The following NBEA variants were observed in gnomAD, a reference collection of about 807,000 sequenced individuals.
The protein encoded by NBEA is neurobeachin.
Under a neutral mutation model 343.4 loss-of-function variants are expected in NBEA, and 44 were observed. The observed-to-expected ratio is 0.13, with a 90% CI of 0.10 to 0.16. The LOEUF (loss-of-function observed/expected upper bound fraction) is 0.16. Among genes scored for constraint, NBEA ranks in the 10% least tolerant of loss-of-function variants. The probability of loss-of-function intolerance (pLI) is 1.00; values close to 1 mark genes in which losing one functional copy is unlikely to be tolerated. For missense variants in NBEA, 2,555 were observed against 3,631.3 expected (o/e 0.70, Z 7.62); for synonymous variants, 1,175 against 1,238.7 (o/e 0.95, Z 1.08).
chr13:34,972,744 A>C (rs965233727), intron 1 of NBEA, among the ~76,000 whole-genome samples: 1 of 152,020 alleles, frequency 6.6e-6, no homozygotes, highest in Non-Finnish European at 1.5e-5. Context: ...ACTTCTGATT[A>C]TGTGATCGAT....
intron 33 of NBEA, among the ~76,000 whole-genome samples, chr13:35,214,070 TTA>T: frequency 6.6e-6 from 1 of 152,142 alleles, no homozygotes; most frequent in South Asian, 2.1e-4. Flanking sequence ...ATCTTTTTGT[TTA>T]TGAGTAGTCT....
intron 1 of NBEA, among the ~76,000 whole-genome samples, chr13:34,951,981 A>G (rs1326866103): frequency 6.6e-6 from 1 of 152,200 alleles, no homozygotes. Context: ...GCGGAATTGA[A>G]CACAGCAGTG....
intron 45 of NBEA, among the ~76,000 whole-genome samples, chr13:35,574,401 G>GAAAAGA (rs1555306414): frequency 9.3e-6 from 1 of 107,628 alleles, no homozygotes; most frequent in Non-Finnish European, 1.9e-5. Context: ...AAAAACAAAA[G>GAAAAGA]AAAAAAAACA....
At chr13:35,153,732 A>T (rs183237011) in intron 18 of NBEA, among the ~76,000 whole-genome samples, 16 of 152,276 alleles carry the variant, frequency 1.1e-4, no homozygotes, top group Non-Finnish European at 2.2e-4. Flanking sequence ...TTCCTGTGCA[A>T]TGTGATTTCT....
In NBEA at chr13:35,592,051, T is replaced by G. The variant is rs3825540; in HGVS notation, c.7177-1277T>G. 7.3e-4 allele frequency among the ~76,000 whole-genome samples: 111 copies of G among 152,160 alleles called. 2 individuals are homozygous for G. In the East Asian group the frequency reaches 0.02, roughly 27 times the overall value. On this transcript the variant is annotated intron_variant, in intron 46 of 58. Transcript: ENST00000379939. Reference sequence around the variant, plus strand: ...AATCCTTTTAAACTTGGAAGCAAATTTAATGACATCAAAAACATAAGAACA... The same window carrying G: ...AATCCTTTTAAACTTGGAAGCAAATGTAATGACATCAAAAACATAAGAACA...
chr13:35,531,785 T>A (rs1453046629), intron 41 of NBEA, among the ~76,000 whole-genome samples: 1 of 152,170 alleles, frequency 6.6e-6, no homozygotes, highest in Non-Finnish European at 1.5e-5. Flanking sequence ...AGGGAGAAAT[T>A]AAAGCAGCCC....
At chr13:34,971,693 G>C (rs1392260755) in intron 1 of NBEA, among the ~76,000 whole-genome samples, 1 of 152,088 alleles carries the variant, frequency 6.6e-6, no homozygotes, top group Non-Finnish European at 1.5e-5. Context: ...TTGTATCCTG[G>C]GGATGAAGCC....
chr13:35,203,915 G>A (rs1236789193), intron 31 of NBEA, among the ~76,000 whole-genome samples: 2 of 152,266 alleles, frequency 1.3e-5, no homozygotes, highest in East Asian at 1.9e-4. Flanking sequence ...TGTGATAGAA[G>A]TTTGAAATTG....
intron 34 of NBEA, among the ~76,000 whole-genome samples, chr13:35,277,622 C>CAAAA (rs10603160): frequency 6.0e-5 from 3 of 49,902 alleles, no homozygotes; most frequent in African/African-American, 7.7e-5. Context: ...ACTCCGTCTC[C>CAAAA]AAAAAAAAAA....
At chr13:35,217,731 A>G (rs2074142757) in intron 33 of NBEA, among the ~76,000 whole-genome samples, 1 of 151,988 alleles carries the variant, frequency 6.6e-6, no homozygotes, top group Non-Finnish European at 1.5e-5. Flanking sequence ...ACTTGCTAGA[A>G]TTTCTCCTGA....
At chr13:35,139,313 G>A (rs1287969370) in intron 17 of NBEA, among the ~76,000 whole-genome samples, 2 of 151,844 alleles carry the variant, frequency 1.3e-5, no homozygotes, top group East Asian at 1.9e-4. Context: ...CGCCTGCCTC[G>A]GCCTCCCAAA....
chr13:35,484,561 A>G (rs2076243996), intron 41 of NBEA, among the ~76,000 whole-genome samples: 1 of 151,842 alleles, frequency 6.6e-6, no homozygotes, highest in African/African-American at 2.4e-5. Flanking sequence ...GGTGATCAGT[A>G]TTGCAGGCAA....
chr13:35,380,829 C>G (rs749006742), intron 38 of NBEA, among the ~76,000 whole-genome samples: 42 of 152,068 alleles, frequency 2.8e-4, no homozygotes, highest in Non-Finnish European at 4.9e-4. Flanking sequence ...AATGAGAATC[C>G]TTGTCTTGCT....
At chr13:35,630,723 G>A (rs747637949) in intron 49 of NBEA, among the ~76,000 whole-genome samples, 3 of 151,998 alleles carry the variant, frequency 2.0e-5, no homozygotes, top group Admixed American at 6.6e-5. Context: ...GTGAAGGAGC[G>A]CATACCTGGA....
intron 39 of NBEA, among the ~76,000 whole-genome samples, chr13:35,443,899 T>C (rs2152939037): frequency 6.6e-6 from 1 of 152,132 alleles, no homozygotes; most frequent in African/African-American, 2.4e-5. Flanking sequence ...TTTTTTGTCA[T>C]TAATCTTCGT....
At chr13:35,149,499 A>G (rs183514063) in intron 18 of NBEA, among the ~76,000 whole-genome samples, 3 of 152,336 alleles carry the variant, frequency 2.0e-5, no homozygotes, top group Admixed American at 6.5e-5. Context: ...CATGATATAT[A>G]TACATAATGC....
chr13:35,015,147 A>C (rs995874886), intron 1 of NBEA, among the ~76,000 whole-genome samples: 1 of 148,506 alleles, frequency 6.7e-6, no homozygotes, highest in South Asian at 2.1e-4. Context: ...AAACAAACAA[A>C]AAAAAAAAAC....
chr13:35,056,424 C>G (rs1213465776), intron 7 of NBEA, among the ~76,000 whole-genome samples: 1 of 151,904 alleles, frequency 6.6e-6, no homozygotes, highest in Non-Finnish European at 1.5e-5. Context: ...GTGGTTTACC[C>G]CTTATTTAGA....
chr13:35,524,727 T>TATA (rs1237719504), intron 41 of NBEA, among the ~76,000 whole-genome samples: 2 of 152,358 alleles, frequency 1.3e-5, no homozygotes, highest in East Asian at 3.9e-4. Flanking sequence ...ACATAAATTC[T>TATA]ATAACTAAAC....
Sources: gnomAD v4.1 joint callset for allele counts (sites outside exome capture counted in the v4.1 genomes callset) on GRCh38, gnomAD v4.1.1 for gene constraint, MANE v1.5 for transcripts, NCBI Gene and HGNC (gene_info 2026-07-23, HGNC 2026-07-21) for gene names.